Variants in CNTN6 observed in about 807,000 individuals in gnomAD.
The protein encoded by CNTN6 is contactin-6.
Under a neutral mutation model 122.8 loss-of-function variants are expected in CNTN6, and 137 were observed. The ratio of observed to expected loss-of-function variants is 1.12; its 90% confidence interval spans 0.97 to 1.29. CNTN6 has a LOEUF of 1.29. Ranked by LOEUF, CNTN6 falls within the 50% of genes most tolerant of loss-of-function variation. The pLI is 0.00. For synonymous variants in CNTN6, 570 were observed against 426.0 expected, an observed-to-expected ratio of 1.34 and a Z score of -4.16; for missense variants, 1,634 against 1,223.4, an observed-to-expected ratio of 1.34 and a Z score of -5.01.
intron 20 of CNTN6, among the ~76,000 whole-genome samples, chr3:1,389,767 C>G (rs1693814215): frequency 6.7e-6 from 1 of 149,704 alleles, no homozygotes; most frequent in African/African-American, 2.4e-5. Flanking sequence ...ATCCTAGTCT[C>G]TGATAAAACA....
intron 11 of CNTN6, among the ~76,000 whole-genome samples, chr3:1,349,434 G>T (rs1705273274): frequency 6.6e-6 from 1 of 151,486 alleles, no homozygotes; most frequent in Admixed American, 6.6e-5. Context: ...ATATGCAAAT[G>T]AAGGTAGAAT....
At chr3:1,356,024 A>G (rs1399897785) in intron 12 of CNTN6, among the ~76,000 whole-genome samples, 1 of 151,816 alleles carries the variant, frequency 6.6e-6, no homozygotes. Context: ...GATGCCCAGT[A>G]TAATTTAAGG....
intron 10 of CNTN6, among the ~76,000 whole-genome samples, chr3:1,328,705 T>C (rs944339391): frequency 5.3e-5 from 8 of 151,588 alleles, no homozygotes; most frequent in African/African-American, 1.9e-4. Context: ...CATGCATCAG[T>C]AAGGTGAAGG....
chr3:1,276,511 A>G (rs1306147494), intron 4 of CNTN6, among the ~76,000 whole-genome samples: 1 of 152,196 alleles, frequency 6.6e-6, no homozygotes. Flanking sequence ...AGCTCACGAT[A>G]TGCTGCTTGC....
At chr3:1,239,538 A>G (rs991523809) in intron 4 of CNTN6, among the ~76,000 whole-genome samples, 6 of 152,200 alleles carry the variant, frequency 3.9e-5, no homozygotes, top group Non-Finnish European at 7.4e-5. Context: ...ACAAACAAAT[A>G]GAAACACATC....
chr3:1,228,077 C>A, intron 4 of CNTN6, 84 bp downstream of exon 4: 1 of 1,316,998 alleles, frequency 7.6e-7, no homozygotes, highest in Non-Finnish European at 1.1e-6. Context: ...TCTAGCTTTG[C>A]CAATGATATA....
At chr3:1,098,776 A>AC (rs2124935928) in intron 1 of CNTN6, among the ~76,000 whole-genome samples, 1 of 69,830 alleles carries the variant, frequency 1.4e-5, no homozygotes, top group South Asian at 5.0e-4. Context: ...ACACACACAC[A>AC]CACACACACA....
At chr3:1,384,760 CATATATATACACATATATATATATATAT>C (rs1311888958) in intron 19 of CNTN6, among the ~76,000 whole-genome samples, 2 of 100,080 alleles carry the variant, frequency 2.0e-5, no homozygotes, top group Non-Finnish European at 4.5e-5. Context: ...CATATATATA[CATATATATACACATATATATATATATAT>C]ATATATATAC....
chr3:1,297,420 T>C (rs771330637), intron 6 of CNTN6, among the ~76,000 whole-genome samples: 1 of 151,804 alleles, frequency 6.6e-6, no homozygotes, highest in East Asian at 1.9e-4. Flanking sequence ...ATTCCTTGGA[T>C]TGAAAGTTTT....
chr3:1,279,434 G>A (rs1344807496), intron 5 of CNTN6, among the ~76,000 whole-genome samples: 1 of 152,076 alleles, frequency 6.6e-6, no homozygotes, highest in Admixed American at 6.6e-5. Context: ...CAGACCCAAG[G>A]ACTTTAACAT....
chr3:1,277,624 G>C (rs1313034280), intron 4 of CNTN6, among the ~76,000 whole-genome samples: 4 of 152,086 alleles, frequency 2.6e-5, no homozygotes, highest in Non-Finnish European at 4.4e-5. Context: ...GCCTCCCAAA[G>C]TGCTGGGATT....
At chr3:1,387,235 G>A (rs561628722) in intron 20 of CNTN6, among the ~76,000 whole-genome samples, 26 of 152,186 alleles carry the variant, frequency 1.7e-4, no homozygotes, top group Non-Finnish European at 3.7e-4. Context: ...AAAGCCTGTG[G>A]AGCAAAAATT....
At chr3:1,351,910 A>G (rs906629565) in intron 11 of CNTN6, among the ~76,000 whole-genome samples, 2 of 151,924 alleles carry the variant, frequency 1.3e-5, no homozygotes, top group African/African-American at 4.8e-5. Flanking sequence ...TTAAAAAGAC[A>G]CAGACTAATT....
intron 11 of CNTN6, among the ~76,000 whole-genome samples, chr3:1,330,990 G>GA (rs907959620): frequency 2.0e-5 from 3 of 151,840 alleles, no homozygotes; most frequent in Non-Finnish European, 4.4e-5. Context: ...TCCCATGCCA[G>GA]AAAAAAGTAG....
At chr3:1,388,599 A>G (rs995278984) in intron 20 of CNTN6, among the ~76,000 whole-genome samples, 17 of 149,800 alleles carry the variant, frequency 1.1e-4, no homozygotes, top group South Asian at 4.2e-4. Context: ...AAGGCTTCAG[A>G]CGATCAAATT....
At chr3:1,345,868 C>T (rs757384402) in intron 11 of CNTN6, among the ~76,000 whole-genome samples, 1 of 151,964 alleles carries the variant, frequency 6.6e-6, no homozygotes, top group Non-Finnish European at 1.5e-5. Flanking sequence ...TCATGGTCTA[C>T]AGCATTATCT....
At chr3:1,215,598 C>T (rs1329142614) in intron 2 of CNTN6, among the ~76,000 whole-genome samples, 2 of 152,054 alleles carry the variant, frequency 1.3e-5, no homozygotes, top group Non-Finnish European at 2.9e-5. Context: ...TATTCTATAG[C>T]ATAAAACTGT....
In CNTN6 at chr3:1,154,092, T is replaced by C. The variant is rs111296181; in HGVS notation, c.55+6029T>C. Among the ~76,000 whole-genome samples, 482 of 152,338 alleles carry C rather than the reference T, an allele frequency of 3.2e-3. 3 individuals are homozygous for C. The highest frequency in any genetic ancestry group is 0.024 in the Middle Eastern group (7 of 294). On this transcript the variant is annotated intron_variant, in intron 2 of 22. Transcript: ENST00000446702. ...TGAAAACACCATTTTCATGCAATGC[T>C]TACTGATAAAGGTGGTTATATGATT...
At chr3:1,384,287 C>T (rs1161819191) in intron 19 of CNTN6, among the ~76,000 whole-genome samples, 1 of 146,124 alleles carries the variant, frequency 6.8e-6, no homozygotes, top group Non-Finnish European at 1.5e-5. Flanking sequence ...AAATTGCAGT[C>T]ATTTTTTTTT....
Sources: allele counts gnomAD v4.1 joint callset (sites outside exome capture counted in the v4.1 genomes callset), GRCh38; gene constraint gnomAD v4.1.1; transcripts MANE v1.5; gene names NCBI Gene and HGNC (gene_info 2026-07-23, HGNC 2026-07-21).